Variants in APAF1 observed in about 807,000 individuals in gnomAD.
APAF1 encodes the protein apoptotic peptidase activating factor 1.
In APAF1, 91 loss-of-function variants were observed where a neutral mutation model predicts 152.4. The ratio of observed to expected loss-of-function variants is 0.60; its 90% CI spans 0.50 to 0.71. The LOEUF is 0.71. Among genes scored for constraint, APAF1 ranks in the 30% least tolerant of loss-of-function variants. The pLI, the probability that APAF1 is intolerant of heterozygous loss-of-function variation, is 0.00. For missense variants in APAF1, 1,283 were observed against 1,472.0 expected (o/e 0.87, Z 2.10); for synonymous variants, 484 against 494.1 (o/e 0.98, Z 0.27).
intron 5 of APAF1, among the ~76,000 whole-genome samples, chr12:98,661,788 G>A (rs1179598796): frequency 6.6e-6 from 1 of 151,818 alleles, no homozygotes; most frequent in Non-Finnish European, 1.5e-5. Flanking sequence ...GCCATAGTGT[G>A]TCATTCAGAC....
intron 5 of APAF1, 51 bp downstream of exon 5, chr12:98,659,394 A>T (rs1309750754): frequency 6.4e-7 from 1 of 1,559,188 alleles, no homozygotes; most frequent in African/African-American, 1.4e-5. Flanking sequence ...TCCCAATAAG[A>T]TGTAACTACT....
intron 18 of APAF1, among the ~76,000 whole-genome samples, chr12:98,704,225 C>T (rs868649178): frequency 6.6e-6 from 1 of 152,016 alleles, no homozygotes. Context: ...GCCTTGGCCT[C>T]CCAAAATGCT....
At chr12:98,664,978 A>C (rs2097670289) in intron 7 of APAF1, among the ~76,000 whole-genome samples, 1 of 152,030 alleles carries the variant, frequency 6.6e-6, no homozygotes, top group Admixed American at 6.6e-5. Context: ...ACGTTGTTTA[A>C]GATTTTTTCA....
intron 19 of APAF1, 58 bp downstream of exon 19, chr12:98,706,668 A>G (rs1293205710): frequency 3.4e-5 from 55 of 1,599,002 alleles, no homozygotes; most frequent in Middle Eastern, 1.7e-4. Context: ...TAAACCTCCT[A>G]CAAACTAAGA....
rs1216163492 is a variant in APAF1 at position 98,701,825 on chromosome 12, C to T, written c.2467-1546C>T. Among the ~76,000 whole-genome samples the T allele has an allele frequency of 3.3e-5, 5 of 152,326 alleles. No individual in the cohort carries two copies. In the East Asian group the frequency reaches 9.6e-4, roughly 29 times the overall value. On this transcript the variant is annotated intron_variant, in intron 17 of 26. Transcript: ENST00000551964. The stretch of plus-strand genomic sequence containing the variant: ...CTCCTCCTGTTCTTTCTTTCCAATT[C>T]CTATGTGAGTCTACTCCTATTGTTA...
chr12:98,683,774 T>C (rs758268458), intron 15 of APAF1, among the ~76,000 whole-genome samples: 1 of 152,188 alleles, frequency 6.6e-6, no homozygotes, highest in Non-Finnish European at 1.5e-5. Flanking sequence ...GTCACAAGTT[T>C]AGTTATATGG....
intron 5 of APAF1, among the ~76,000 whole-genome samples, chr12:98,661,550 C>A: frequency 6.6e-6 from 1 of 151,894 alleles, no homozygotes; most frequent in Admixed American, 6.6e-5. Context: ...GATATCGGTT[C>A]ACTGCAACCT....
At chr12:98,705,863 A>T (rs778576678) in intron 18 of APAF1, among the ~76,000 whole-genome samples, 2 of 152,200 alleles carry the variant, frequency 1.3e-5, no homozygotes, top group Non-Finnish European at 2.9e-5. Flanking sequence ...TGACTTTTTT[A>T]AAGTGATAAA....
At position 98,735,240 on chromosome 12, in the gene APAF1, T is replaced by C; in HGVS notation, c.*2674T>C. The stretch of plus-strand genomic sequence containing the variant: ...ATTTCTAAAGCATTTTCCCTTGCTG[T>C]ATTTTTTTGTATTATAAATTACATT... On this transcript the variant is annotated 3_prime_UTR_variant, in exon 27 of 27. Transcript: ENST00000551964. 1 of 398,970 alleles carries C rather than the reference T, an allele frequency of 2.5e-6. No individual in the cohort carries two copies. 24.7% of individuals were successfully genotyped at this position (398,970 alleles called of 1,614,324 possible). A position where few individuals can be genotyped will look rare whatever the true frequency, so the allele number is the denominator to read the frequency against.
At chr12:98,703,322 A>C in intron 17 of APAF1, 49 bp from the exon 18 acceptor site, 1 of 1,598,550 alleles carries the variant, frequency 6.3e-7, no homozygotes, top group Non-Finnish European at 8.6e-7. Context: ...AGAATAGCTT[A>C]TCTCTTAAAG....
Position 98,725,414 on chromosome 12 carries a change from G to C in APAF1, c.3331-1G>C. ...GCTAAACAATCCTAATTGCCTTCCA[G>C]ATCTGGAGTTTTGATCTCCTTTTGC... is the stretch of plus-strand genomic sequence containing the variant. On this transcript the variant is annotated splice_acceptor_variant, in intron 24 of 26. Transcript: ENST00000551964. LOFTEE classifies it high-confidence loss of function. The C allele has an allele frequency of 3.7e-6, 6 of 1,614,092 alleles. No homozygotes were observed. Among genetic ancestry groups the C allele is most frequent in the Non-Finnish European group, 4.2e-6 (5 of 1,180,008 alleles).
intron 18 of APAF1, among the ~76,000 whole-genome samples, chr12:98,704,430 C>G: frequency 6.6e-6 from 1 of 152,182 alleles, no homozygotes; most frequent in East Asian, 1.9e-4. Context: ...ATCAAGGGAG[C>G]CATGACTACT....
At chr12:98,661,516 G>T (rs2097665328) in intron 5 of APAF1, among the ~76,000 whole-genome samples, 1 of 151,700 alleles carries the variant, frequency 6.6e-6, no homozygotes, top group Non-Finnish European at 1.5e-5. Context: ...CGCTCTTGTT[G>T]CCCAGGTTGG....
chr12:98,648,375 C>G lies in APAF1; in HGVS notation c.16C>G (p.Arg6Gly), dbSNP rs776606994. The G allele has an allele frequency of 1.9e-6, 3 of 1,613,996 alleles. No individual in the cohort carries two copies. The highest frequency in any genetic ancestry group is 2.5e-6 in the Non-Finnish European group (3 of 1,179,976). MDAKA[R>G]NCLLQHREAL... ...CTGAGGGAAGATGGATGCAAAAGCTCGAAATTGTTTGCTTCAACATAGAGA... is the reference window on the plus strand; with the variant it reads ...CTGAGGGAAGATGGATGCAAAAGCTGGAAATTGTTTGCTTCAACATAGAGA... Residue 6 changes from arginine to glycine, a missense_variant, in exon 2 of 27, where the codon CGA becomes GGA. By Grantham distance (125) the Arg-to-Gly change is moderately radical. Coordinates refer to ENST00000551964, the MANE Select transcript of APAF1 (RefSeq NM_181861.2).
intron 16 of APAF1, among the ~76,000 whole-genome samples, chr12:98,692,461 A>G (rs544179627): frequency 5.9e-5 from 9 of 152,294 alleles, no homozygotes; most frequent in Non-Finnish European, 8.8e-5. Flanking sequence ...TTATGTGAGT[A>G]TATTGCATGA....
chr12:98,725,646 T>C (rs866937924), intron 25 of APAF1, 106 bp downstream of exon 25: 14 of 1,514,238 alleles, frequency 9.2e-6, no homozygotes, highest in Middle Eastern at 3.9e-4. Context: ...AGTCCTGAAG[T>C]TGTGGTTGGA....
intron 16 of APAF1, among the ~76,000 whole-genome samples, chr12:98,691,443 G>C (rs957223672): frequency 6.6e-6 from 1 of 152,004 alleles, no homozygotes; most frequent in African/African-American, 2.4e-5. Context: ...TTGTCATTCT[G>C]TTTTTCTCTT....
chr12:98,677,418 T>C lies in APAF1; in HGVS notation c.1794-7T>C, dbSNP rs1418749610. The C allele has an allele frequency of 1.2e-6, 2 of 1,613,882 alleles. No homozygotes were observed. The highest frequency in any genetic ancestry group is 1.3e-5 in the African/African-American group (1 of 74,928). On this transcript the variant is annotated splice_region_variant and splice_polypyrimidine_tract_variant and intron_variant, in intron 12 of 26. Coordinates refer to ENST00000551964, the MANE Select transcript of APAF1 (RefSeq NM_181861.2). ...TTAATTTCTGTTCATTTTTTCCCTG[T>C]ATTTAGAAACAAAAAAAACATCACG...
chr12:98,681,382 G>A (rs2097692056), intron 14 of APAF1, among the ~76,000 whole-genome samples: 1 of 152,104 alleles, frequency 6.6e-6, no homozygotes, highest in South Asian at 2.1e-4. Context: ...TTTTATTTTT[G>A]TTAAGTATTC....
Sources: gnomAD v4.1 joint callset for allele counts (sites outside exome capture counted in the v4.1 genomes callset) on GRCh38, gnomAD v4.1.1 for gene constraint, MANE v1.5 for transcripts, NCBI Gene and HGNC (gene_info 2026-07-23, HGNC 2026-07-21) for gene names.